WWC2: variants seen among roughly 807,000 people sequenced by gnomAD.
The protein encoded by WWC2 is protein WWC2.
WWC2 carries 101 observed loss-of-function variants against 138.5 expected under a neutral mutation model. The observed-to-expected ratio is 0.73, with a 90% confidence interval of 0.62 to 0.86. The LOEUF is 0.86. Ranked by LOEUF, WWC2 falls within the 40% of genes least tolerant of loss-of-function variation. WWC2 has a pLI of 0.00. For synonymous variants in WWC2, 558 were observed against 538.4 expected, an observed-to-expected ratio of 1.04 and a Z score of -0.50; for missense variants, 1,420 against 1,419.4, an observed-to-expected ratio of 1.00 and a Z score of -0.01.
chr4:183,237,831 C>G (rs1258990367), intron 4 of WWC2, among the ~76,000 whole-genome samples: 1 of 152,102 alleles, frequency 6.6e-6, no homozygotes, highest in Non-Finnish European at 1.5e-5. Context: ...CCTGGTCTCC[C>G]TCTTGACATT....
chr4:183,216,022 G>A (rs1735745823), intron 4 of WWC2, among the ~76,000 whole-genome samples: 1 of 152,078 alleles, frequency 6.6e-6, no homozygotes, highest in African/African-American at 2.4e-5. Flanking sequence ...TAAGCTTTGT[G>A]GAATGTTATG....
rs1385313823 is a variant in WWC2, at chr4:183,099,521, G to A, written c.30G>A (p.Leu10=). 1.4e-5 allele frequency: 19 copies of A among 1,394,230 alleles called. No individual in the cohort carries two copies. The highest frequency in any genetic ancestry group is 3.2e-5 in the East Asian group (1 of 30,830). 86.4% of individuals were successfully genotyped at this position (1,394,230 alleles called of 1,614,324 possible). The change falls in exon 1 of 23, where the codon CTG becomes CTA. Residue 10 remains leucine, a synonymous_variant. Coordinates refer to ENST00000403733, the MANE Select transcript of WWC2 (RefSeq NM_024949.6). ...CTAGGAGGGCCGGGAGCGGTCAGCT[G>A]CCGCTGCCCCGGGGCTGGGAGGAGG... MPRRAGSGQ[L]PLPRGWEEAR...
rs1301607080 is a variant in WWC2, at chr4:183,120,425, T to C, written c.131+20803T>C. 2.0e-5 allele frequency among the ~76,000 whole-genome samples: 3 copies of C among 152,188 alleles called. No individual in the cohort carries two copies. In the East Asian group the frequency reaches 5.8e-4, roughly 29 times the overall value. On this transcript the variant is annotated intron_variant, in intron 1 of 22. Transcript: ENST00000403733. ...TGCTGACGTTTATGAACTAGAACCA[T>C]TTTGAACAAGGCATCTTTATTAGTG...
intron 1 of WWC2, among the ~76,000 whole-genome samples, chr4:183,177,998 C>G (rs1321389533): frequency 6.6e-6 from 1 of 152,132 alleles, no homozygotes; most frequent in East Asian, 1.9e-4. Flanking sequence ...ATGTAGAGAT[C>G]CCTTAGTTAA....
chr4:183,278,459 A>G (rs374117585), intron 16 of WWC2, among the ~76,000 whole-genome samples: 29 of 152,076 alleles, frequency 1.9e-4, no homozygotes, highest in African/African-American at 5.8e-4. Flanking sequence ...TTGGCGATGC[A>G]GGCTCTTTTT....
In WWC2 at chr4:183,182,083, A is replaced by G. The variant is rs546070777; in HGVS notation, c.132-11516A>G. Among the ~76,000 whole-genome samples, 304 of 152,362 alleles carry G rather than the reference A, an allele frequency of 2.0e-3. 2 individuals carry two copies. Among genetic ancestry groups the G allele is most frequent in the African/African-American group, 6.7e-3 (280 of 41,598 alleles). On this transcript the variant is annotated intron_variant, in intron 1 of 22. Coordinates refer to ENST00000403733, the MANE Select transcript of WWC2 (RefSeq NM_024949.6). ...AAAAACATAGCCTAGAGTGAAACAC[A>G]TCACATTGTTAACTGGGATTATTCC...
Position 183,159,695 on chromosome 4 carries a change from G to C in WWC2, c.132-33904G>C, listed in dbSNP as rs539484495. Among the ~76,000 whole-genome samples, 4 of 145,258 alleles carry C rather than the reference G, an allele frequency of 2.8e-5. No individual in the cohort carries two copies. The South Asian group carries it at 8.8e-4, about 32-fold the overall frequency. On this transcript the variant is annotated intron_variant, in intron 1 of 22. Coordinates refer to ENST00000403733, the MANE Select transcript of WWC2 (RefSeq NM_024949.6). The stretch of plus-strand genomic sequence containing the variant: ...GCTGGGATTACAGGCATAAGCCACT[G>C]TACCTGCCTGAACTTACCTTTTTTT...
chr4:183,116,451 G>C (rs1209875660), intron 1 of WWC2, among the ~76,000 whole-genome samples: 3 of 152,236 alleles, frequency 2.0e-5, no homozygotes, highest in Admixed American at 6.5e-5. Context: ...TTAGGAAACT[G>C]AGACTGAAGA....
intron 22 of WWC2, among the ~76,000 whole-genome samples, chr4:183,314,245 T>G (rs1162845735): frequency 6.6e-6 from 1 of 152,196 alleles, no homozygotes; most frequent in Non-Finnish European, 1.5e-5. Flanking sequence ...TACTTGGGTT[T>G]TAGAACTGCA....
intron 1 of WWC2, among the ~76,000 whole-genome samples, chr4:183,156,333 CTTTTTTT>C (rs143885415): frequency 7.7e-5 from 9 of 117,610 alleles, no homozygotes; most frequent in Admixed American, 1.8e-4. Context: ...GCCCTTTGTT[CTTTTTTT>C]TTTTTTTTTT....
At chr4:183,120,940 T>G (rs1353189271) in intron 1 of WWC2, among the ~76,000 whole-genome samples, 6 of 152,018 alleles carry the variant, frequency 3.9e-5, no homozygotes, top group Non-Finnish European at 8.8e-5. Context: ...AGTAACATTG[T>G]GGCCAGGAGG....
At chr4:183,300,194 C>T (rs1014201578) in intron 21 of WWC2, among the ~76,000 whole-genome samples, 1 of 152,070 alleles carries the variant, frequency 6.6e-6, no homozygotes, top group African/African-American at 2.4e-5. Flanking sequence ...TGAATCACAC[C>T]CTTCTGGAGT....
At chr4:183,181,179 G>C (rs576025207) in intron 1 of WWC2, among the ~76,000 whole-genome samples, 33 of 152,306 alleles carry the variant, frequency 2.2e-4, no homozygotes, top group African/African-American at 7.5e-4. Context: ...AGTTTTGGGA[G>C]CATCTGCTTA....
Position 183,139,726 on chromosome 4 carries a change from C to T in WWC2, c.131+40104C>T, listed in dbSNP as rs537147527. On this transcript the variant is annotated intron_variant, in intron 1 of 22. Transcript: ENST00000403733. ...CAGTTTATTATGCTGTAAGTACACA[C>T]ACATATGCATTCACCCGTGCCGCCC... Among the ~76,000 whole-genome samples the T allele has an allele frequency of 3.5e-4, 54 of 152,320 alleles. 1 individual carries two copies. The South Asian group carries it at 0.011, about 32-fold the overall frequency.
chr4:183,247,515 C>CTATA (rs1553971205), intron 6 of WWC2, among the ~76,000 whole-genome samples: 3,983 of 141,656 alleles, frequency 0.028, 209 homozygotes, highest in African/African-American at 0.1. Flanking sequence ...TATATATACA[C>CTATA]TATACTATAT....
intron 22 of WWC2, 102 bp downstream of exon 22, chr4:183,312,570 C>G: frequency 1.3e-6 from 2 of 1,519,952 alleles, no homozygotes; most frequent in Non-Finnish European, 1.8e-6. Context: ...GGATCCGAGA[C>G]AGAAGTCCTC....
chr4:183,113,524 G>GCACGTGCA, intron 1 of WWC2, among the ~76,000 whole-genome samples: 1 of 141,432 alleles, frequency 7.1e-6, no homozygotes, highest in Admixed American at 6.8e-5. Flanking sequence ...GTGCGCGCGC[G>GCACGTGCA]TGCGCGCGCA....
In WWC2 at chr4:183,320,491, C is replaced by T. The variant is rs1266952943; in HGVS notation, c.*4762C>T. 3 of 461,468 alleles carry T rather than the reference C, an allele frequency of 6.5e-6. No individual in the cohort carries two copies. Among genetic ancestry groups the T allele is most frequent in the African/African-American group, 3.9e-5 (2 of 51,190 alleles). The allele number at this position is 461,468 out of a possible 1,614,324, so 28.6% of individuals were successfully genotyped here. On this transcript the variant is annotated 3_prime_UTR_variant, in exon 23 of 23. Coordinates refer to ENST00000403733, the MANE Select transcript of WWC2 (RefSeq NM_024949.6). The stretch of plus-strand genomic sequence containing the variant: ...GGATTTGACAGAAAGCAGTTTGTCA[C>T]TGAAATATAATTAAGTGATAATCTC...
At chr4:183,236,649 G>C (rs1168065651) in intron 4 of WWC2, among the ~76,000 whole-genome samples, 1 of 152,182 alleles carries the variant, frequency 6.6e-6, no homozygotes, top group African/African-American at 2.4e-5. Context: ...CTCAATTATA[G>C]AAGTATGAAG....
Sources: allele counts gnomAD v4.1 joint callset (sites outside exome capture counted in the v4.1 genomes callset), GRCh38; gene constraint gnomAD v4.1.1; transcripts MANE v1.5; gene names NCBI Gene and HGNC (gene_info 2026-07-23, HGNC 2026-07-21).